Variants in CEP70 observed in about 807,000 individuals in gnomAD.
CEP70 encodes centrosomal protein of 70 kDa.
A neutral mutation model predicts 90.9 loss-of-function variants in CEP70; 70 were observed. The observed-to-expected ratio is 0.77, with a 90% confidence interval of 0.64 to 0.94. The LOEUF (loss-of-function observed/expected upper bound fraction) is 0.94. CEP70 is among the 40% of genes least tolerant of loss of function. CEP70 has a pLI of 0.00. For synonymous variants in CEP70, 220 were observed against 228.3 expected (o/e 0.96, Z 0.33); for missense variants, 648 against 669.0 (o/e 0.97, Z 0.35).
chr3:138,547,091 T>C (rs1336763451), intron 6 of CEP70, among the ~76,000 whole-genome samples: 1 of 152,204 alleles, frequency 6.6e-6, no homozygotes, highest in Non-Finnish European at 1.5e-5. Flanking sequence ...TCTAGTACCA[T>C]GGGTTACATC....
intron 11 of CEP70, among the ~76,000 whole-genome samples, chr3:138,511,703 C>A (rs750421413): frequency 9.9e-5 from 15 of 152,132 alleles, no homozygotes; most frequent in Non-Finnish European, 2.1e-4. Flanking sequence ...TTATTGGGAG[C>A]CTAATGATGA....
rs368663890 is a variant in CEP70, at chr3:138,507,068, C to G, written c.1050+1371G>C. Reference sequence around the variant, plus strand: ...TGAATTCCCCTTTTAAAGGACAAAGCCTCTCAAATTGAGTCTCAGAAACAA... The same window carrying G: ...TGAATTCCCCTTTTAAAGGACAAAGGCTCTCAAATTGAGTCTCAGAAACAA... On this transcript the variant is annotated intron_variant, in intron 12 of 17. Transcript: ENST00000264982. 1.4e-4 allele frequency among the ~76,000 whole-genome samples: 21 copies of G among 152,222 alleles called. No individual in the cohort carries two copies. In the East Asian group the frequency reaches 4.1e-3, roughly 29 times the overall value.
intron 6 of CEP70, among the ~76,000 whole-genome samples, chr3:138,558,008 T>A (rs1008877691): frequency 1.3e-5 from 2 of 152,100 alleles, no homozygotes; most frequent in African/African-American, 2.4e-5. Context: ...GATCAAAAAA[T>A]TTTTAAATCT....
At chr3:138,581,764 C>T (rs1323210931) in intron 2 of CEP70, among the ~76,000 whole-genome samples, 2 of 141,576 alleles carry the variant, frequency 1.4e-5, no homozygotes, top group Non-Finnish European at 3.1e-5. Context: ...AGAGGGATAA[C>T]AGAGAACTTC....
rs1450964382 is a variant in CEP70 at position 138,570,642 on chromosome 3, A to G, written c.285-144T>C. On this transcript the variant is annotated intron_variant, in intron 5 of 17. Transcript: ENST00000264982. ...ATGCTTGGAACCAGAAGTGATTCAT[A>G]TTTCAGATTTTTTCAGATTTTGGAA... 4 of 649,992 alleles carry G rather than the reference A, an allele frequency of 6.2e-6. No individual in the cohort carries two copies. The East Asian group carries it at 1.3e-4, about 21-fold the overall frequency. 40.3% of individuals were successfully genotyped at this position (649,992 alleles called of 1,614,324 possible). A position where few individuals can be genotyped will look rare whatever the true frequency, so the allele number is the denominator to read the frequency against.
chr3:138,593,729 C>T (rs1345913602), intron 1 of CEP70: 1 of 152,230 alleles, frequency 6.6e-6, no homozygotes, highest in Non-Finnish European at 1.5e-5. Context: ...CGCCTAACCG[C>T]CCCCTTCTGC....
rs915840352 is a variant in CEP70, at chr3:138,494,782, G to C, written c.*233C>G. Reference sequence around the variant, plus strand: ...CTTAAATTTTAAGCACTCAATAATTGCTTTAGAAATGAAGGGATCTAAAGT... The same window carrying C: ...CTTAAATTTTAAGCACTCAATAATTCCTTTAGAAATGAAGGGATCTAAAGT... On this transcript the variant is annotated 3_prime_UTR_variant, in exon 18 of 18. Coordinates refer to ENST00000264982, the MANE Select transcript of CEP70 (RefSeq NM_024491.4). 3 of 327,524 alleles carry C rather than the reference G, an allele frequency of 9.2e-6. No individual in the cohort carries two copies. The highest frequency in any genetic ancestry group is 6.6e-5 in the African/African-American group (3 of 45,676). 20.3% of individuals were successfully genotyped at this position (327,524 alleles called of 1,614,324 possible). A position where few individuals can be genotyped will look rare whatever the true frequency, so the allele number is the denominator to read the frequency against.
chr3:138,531,423 A>G (rs1576679033), intron 8 of CEP70: 2 of 152,192 alleles, frequency 1.3e-5, no homozygotes, highest in Non-Finnish European at 2.9e-5. Flanking sequence ...TGCAGGCTAT[A>G]TTCAGCAGGC....
intron 3 of CEP70, among the ~76,000 whole-genome samples, chr3:138,572,289 C>G (rs547378997): frequency 6.6e-6 from 1 of 152,144 alleles, no homozygotes; most frequent in Non-Finnish European, 1.5e-5. Flanking sequence ...TGACTTCTTC[C>G]TCCTTTTTTT....
At chr3:138,525,103 T>C (rs1048999105) in intron 11 of CEP70, among the ~76,000 whole-genome samples, 1 of 152,204 alleles carries the variant, frequency 6.6e-6, no homozygotes, top group Non-Finnish European at 1.5e-5. Flanking sequence ...GATGAGTTCA[T>C]GTCCTTTGTA....
At chr3:138,561,388 G>A (rs2040394766) in intron 6 of CEP70, among the ~76,000 whole-genome samples, 1 of 152,064 alleles carries the variant, frequency 6.6e-6, no homozygotes, top group African/African-American at 2.4e-5. Context: ...CCATCATAAG[G>A]TCATCAATAT....
At chr3:138,574,510 G>A (rs887515842) in intron 2 of CEP70, among the ~76,000 whole-genome samples, 4 of 152,358 alleles carry the variant, frequency 2.6e-5, no homozygotes, top group African/African-American at 9.6e-5. Context: ...ACCTCTGGGG[G>A]CAGGGCATAG....
At chr3:138,529,089 C>A in intron 10 of CEP70, 110 bp downstream of exon 10, 1 of 620,460 alleles carries the variant, frequency 1.6e-6, no homozygotes. Flanking sequence ...TTGCTTGAGC[C>A]CTGGAGGTCA....
chr3:138,516,847 A>G, intron 11 of CEP70, among the ~76,000 whole-genome samples: 1 of 152,248 alleles, frequency 6.6e-6, no homozygotes, highest in African/African-American at 2.4e-5. Flanking sequence ...ATATTAACTC[A>G]TAGCTTTCAA....
intron 2 of CEP70, among the ~76,000 whole-genome samples, chr3:138,585,328 C>G (rs1347454746): frequency 6.6e-6 from 1 of 152,042 alleles, no homozygotes; most frequent in Non-Finnish European, 1.5e-5. Context: ...TAGGAATTAA[C>G]TGAACCAATG....
chr3:138,566,554 A>G (rs1239938639), intron 6 of CEP70, among the ~76,000 whole-genome samples: 2 of 152,024 alleles, frequency 1.3e-5, no homozygotes, highest in Non-Finnish European at 2.9e-5. Flanking sequence ...GCAAACTAAC[A>G]CAAGAATGGA....
chr3:138,558,880 G>A (rs1263543264), intron 6 of CEP70, among the ~76,000 whole-genome samples: 1 of 152,134 alleles, frequency 6.6e-6, no homozygotes, highest in Non-Finnish European at 1.5e-5. Context: ...GTAATCCACT[G>A]AGAACCAGAG....
Position 138,591,906 on chromosome 3 carries a change from C to G in CEP70, c.-58G>C. ...TTTACACCTGGTCATTCAGGTTGATCTCAATGAAATGATCACCCAACGAGT... is the reference window on the plus strand; with the variant it reads ...TTTACACCTGGTCATTCAGGTTGATGTCAATGAAATGATCACCCAACGAGT... On this transcript the variant is annotated 5_prime_UTR_variant, in exon 2 of 18. Coordinates refer to ENST00000264982, the MANE Select transcript of CEP70 (RefSeq NM_024491.4). 6.8e-7 allele frequency: 1 copy of G among 1,463,554 alleles called. No homozygotes were observed. Among genetic ancestry groups the G allele is most frequent in the Non-Finnish European group, 9.1e-7 (1 of 1,101,792 alleles). 90.7% of individuals were successfully genotyped at this position (1,463,554 alleles called of 1,614,324 possible). A position where few individuals can be genotyped will look rare whatever the true frequency, so the allele number is the denominator to read the frequency against.
chr3:138,531,831 G>A (rs1269285944), intron 8 of CEP70, among the ~76,000 whole-genome samples: 3 of 151,306 alleles, frequency 2.0e-5, no homozygotes, highest in African/African-American at 7.3e-5. Flanking sequence ...TAGAGCATAC[G>A]CTTCATAAAA....
Sources: gnomAD v4.1 joint callset for allele counts (sites outside exome capture counted in the v4.1 genomes callset) on GRCh38, gnomAD v4.1.1 for gene constraint, MANE v1.5 for transcripts, NCBI Gene and HGNC (gene_info 2026-07-23, HGNC 2026-07-21) for gene names.